TLN2: variants seen among roughly 807,000 people sequenced by gnomAD.
The protein encoded by TLN2 is talin 2.
TLN2 carries 118 observed loss-of-function variants against 294.7 expected under a neutral mutation model. The observed-to-expected ratio is 0.40, with a 90% CI of 0.34 to 0.47. TLN2 has a LOEUF of 0.47. Ranked by LOEUF, TLN2 falls within the 20% of genes least tolerant of loss-of-function variation. The probability of loss-of-function intolerance (pLI) is 0.84; values close to 1 mark genes in which losing one functional copy is unlikely to be tolerated. For synonymous variants in TLN2, 1,431 were observed against 1,304.5 expected, an observed-to-expected ratio of 1.10 and a Z score of -2.09; for missense variants, 3,083 against 3,282.2, an observed-to-expected ratio of 0.94 and a Z score of 1.48.
At chr15:62,723,866 A>G (rs754263774) in intron 26 of TLN2, among the ~76,000 whole-genome samples, 33 of 151,952 alleles carry the variant, frequency 2.2e-4, no homozygotes, top group East Asian at 5.9e-4. Context: ...TTTAATATGC[A>G]GCATAAGGAT....
chr15:62,394,885 T>G (rs2032406326), intron 1 of TLN2, among the ~76,000 whole-genome samples: 1 of 152,200 alleles, frequency 6.6e-6, no homozygotes, highest in African/African-American at 2.4e-5. Context: ...GAATTAGGAC[T>G]GGGCTCATTT....
At chr15:62,477,903 G>C (rs965521044) in intron 1 of TLN2, among the ~76,000 whole-genome samples, 1 of 143,396 alleles carries the variant, frequency 7.0e-6, no homozygotes, top group Non-Finnish European at 1.5e-5. Flanking sequence ...GGGGGATGGA[G>C]GGGGGGGTGC....
chr15:62,576,675 C>CT (rs2044445458), intron 1 of TLN2, among the ~76,000 whole-genome samples: 1 of 142,994 alleles, frequency 7.0e-6, no homozygotes, highest in Non-Finnish European at 1.5e-5. Flanking sequence ...CCCCCGCCCC[C>CT]CACATAAAAG....
Position 62,691,655 on chromosome 15 carries a change from AAGACATCCT to A in TLN2, c.1114-1177_1114-1169del, listed in dbSNP as rs542065601. 5.9e-4 allele frequency among the ~76,000 whole-genome samples: 89 copies of A among 152,132 alleles called. 1 individual carries two copies. The East Asian group carries it at 7.0e-3, about 12-fold the overall frequency. On this transcript the variant is annotated intron_variant, in intron 12 of 58. Transcript: ENST00000636159. ...TCTCGATATGAATATTTATTTTTTTAAGACATCCTAGACATCTTGGTTATTAGGAGACCT... is the reference window on the plus strand; with the variant it reads ...TCTCGATATGAATATTTATTTTTTTAAGACATCTTGGTTATTAGGAGACCT...
chr15:62,677,780 A>T (rs2056387959), intron 11 of TLN2, among the ~76,000 whole-genome samples: 1 of 130,186 alleles, frequency 7.7e-6, no homozygotes, highest in Non-Finnish European at 1.6e-5. Context: ...AGAAGAAAGG[A>T]TTAAGAAAGT....
chr15:62,435,126 A>G (rs2035224206), intron 1 of TLN2, among the ~76,000 whole-genome samples: 2 of 152,154 alleles, frequency 1.3e-5, no homozygotes, highest in Non-Finnish European at 1.5e-5. Flanking sequence ...ATAGTATTCC[A>G]TGGTGTATAT....
intron 23 of TLN2, among the ~76,000 whole-genome samples, chr15:62,717,218 A>G (rs757971390): frequency 5.9e-5 from 9 of 152,208 alleles, no homozygotes; most frequent in Non-Finnish European, 8.8e-5. Context: ...TGTGCTTGAC[A>G]CAGAACCATC....
chr15:62,632,209 C>T (rs2049968138), intron 3 of TLN2, among the ~76,000 whole-genome samples: 2 of 152,188 alleles, frequency 1.3e-5, no homozygotes, highest in Non-Finnish European at 1.5e-5. Flanking sequence ...CCCTGTGGGG[C>T]GTGGCATTAA....
intron 1 of TLN2, among the ~76,000 whole-genome samples, chr15:62,539,235 T>C (rs2041534420): frequency 6.6e-6 from 1 of 152,188 alleles, no homozygotes; most frequent in Non-Finnish European, 1.5e-5. Flanking sequence ...TGGAAGCATT[T>C]TCATTTTTAT....
intron 11 of TLN2, among the ~76,000 whole-genome samples, chr15:62,682,453 A>T (rs754169026): frequency 1.3e-5 from 2 of 152,206 alleles, no homozygotes; most frequent in Non-Finnish European, 2.9e-5. Context: ...ATTAGGCAGC[A>T]GTATTCTCAG....
intron 1 of TLN2, among the ~76,000 whole-genome samples, chr15:62,437,610 G>A (rs1489469673): frequency 6.6e-6 from 1 of 152,126 alleles, no homozygotes; most frequent in African/African-American, 2.4e-5. Flanking sequence ...CATAATCATA[G>A]TACTGTGTGT....
At chr15:62,550,790 G>C (rs913392948) in intron 1 of TLN2, among the ~76,000 whole-genome samples, 3 of 152,118 alleles carry the variant, frequency 2.0e-5, no homozygotes, top group Non-Finnish European at 2.9e-5. Flanking sequence ...CTCATGGATG[G>C]TGTACTGTAG....
intron 1 of TLN2, among the ~76,000 whole-genome samples, chr15:62,556,827 A>G (rs1290123053): frequency 6.6e-6 from 1 of 152,228 alleles, no homozygotes; most frequent in Non-Finnish European, 1.5e-5. Context: ...GGCACTATGT[A>G]TAACTCACCA....
intron 1 of TLN2, among the ~76,000 whole-genome samples, chr15:62,578,354 G>A (rs1356553554): frequency 6.6e-6 from 1 of 152,086 alleles, no homozygotes; most frequent in Admixed American, 6.5e-5. Context: ...ATCACCTGAG[G>A]TCAGGAGTTC....
chr15:62,584,782 G>A (rs2045449774), intron 1 of TLN2, among the ~76,000 whole-genome samples: 2 of 152,254 alleles, frequency 1.3e-5, no homozygotes, highest in South Asian at 4.1e-4. Context: ...AAGAACTTTT[G>A]GTTTATTCGT....
Position 62,422,219 on chromosome 15 carries a change from C to CAAAA in TLN2, c.-238+31556_-238+31559dup, listed in dbSNP as rs386383227. 4.4e-3 allele frequency among the ~76,000 whole-genome samples: 244 copies of CAAAA among 55,028 alleles called. 4 individuals carry two copies. The highest frequency in any genetic ancestry group is 0.032 in the Middle Eastern group (2 of 62). The allele number at this position is 55,028 out of a possible 152,430, so 36.1% of individuals were successfully genotyped here. A position where few individuals can be genotyped will look rare whatever the true frequency, so the allele number is the denominator to read the frequency against. Reference sequence around the variant, plus strand: ...GGGCAACAAGAGCAAAACTCTGTCTCAAAAAAAAAAAAAAAAAAAAAAAAA... The same window carrying CAAAA: ...GGGCAACAAGAGCAAAACTCTGTCTCAAAAAAAAAAAAAAAAAAAAAAAAAAAAA... On this transcript the variant is annotated intron_variant, in intron 1 of 58. Transcript: ENST00000636159.
At chr15:62,459,299 C>CTTT (rs35344244) in intron 1 of TLN2, among the ~76,000 whole-genome samples, 54 of 130,506 alleles carry the variant, frequency 4.1e-4, no homozygotes, top group African/African-American at 1.5e-3. Context: ...CACGCTCGGC[C>CTTT]TTTTTTTTTT....
At position 62,722,499 on chromosome 15, in the gene TLN2, G is replaced by T. The variant is rs112648142; in HGVS notation, c.3126+12G>T. On this transcript the variant is annotated intron_variant, in intron 26 of 58. Transcript: ENST00000636159. ...CCGCCTCGCAGAAGGCAAGTGGAGC[G>T]TGTCATAGGGGTTAACTTGTCAGGA... 4 of 1,605,368 alleles carry T rather than the reference G, an allele frequency of 2.5e-6. No individual in the cohort carries two copies. The highest frequency in any genetic ancestry group is 3.4e-6 in the Non-Finnish European group (4 of 1,174,972).
At chr15:62,595,383 G>T (rs1393178388) in intron 2 of TLN2, among the ~76,000 whole-genome samples, 1 of 137,170 alleles carries the variant, frequency 7.3e-6, no homozygotes, top group African/African-American at 2.8e-5. Flanking sequence ...TCGTGCCATT[G>T]CACTCCAGCC....
Sources: gnomAD v4.1 joint callset for allele counts (sites outside exome capture counted in the v4.1 genomes callset) on GRCh38, gnomAD v4.1.1 for gene constraint, MANE v1.5 for transcripts, NCBI Gene and HGNC (gene_info 2026-07-23, HGNC 2026-07-21) for gene names.